Variants in CPS1 observed in about 807,000 individuals in gnomAD.
The protein encoded by CPS1 is carbamoyl-phosphate synthase [ammonia], mitochondrial.
CPS1 carries 109 observed loss-of-function variants against 174.6 expected under a neutral mutation model. The ratio of observed to expected loss-of-function variants is 0.62; its 90% CI spans 0.53 to 0.73. The LOEUF is 0.73. Among genes scored for constraint, CPS1 ranks in the 30% least tolerant of loss-of-function variants. CPS1 has a pLI of 0.00. For missense variants in CPS1, 1,689 were observed against 1,821.9 expected (o/e 0.93, Z 1.33); for synonymous variants, 637 against 632.0 (o/e 1.01, Z -0.12).
At chr2:210,515,729 C>G (rs1207098314) in intron 1 of CPS1, among the ~76,000 whole-genome samples, 2 of 151,640 alleles carry the variant, frequency 1.3e-5, no homozygotes, top group African/African-American at 2.4e-5. Flanking sequence ...TTATTTCTTT[C>G]CTTTTGCTAG....
intron 9 of CPS1, 117 bp from the exon 10 acceptor site, chr2:210,591,714 G>A: frequency 1.9e-6 from 2 of 1,073,798 alleles, no homozygotes; most frequent in South Asian, 3.0e-5. Context: ...TTTTCACTAA[G>A]CAATTGAAAT....
chr2:210,576,404 C>A lies in CPS1; in HGVS notation c.295C>A (p.Pro99Thr), dbSNP rs140999077. ...AGGACAGATTCTCACAATGGCCAAC[C>A]CTATTATTGGGAATGGTGGAGCTCC... ...YKGQILTMANPIIGNGGAPDT... is the reference protein window; with the variant it reads ...YKGQILTMANTIIGNGGAPDT... Residue 99 changes from proline (P) to threonine (T), a missense_variant, in exon 3 of 38, where the codon CCT becomes ACT. Coordinates refer to ENST00000233072, the MANE Select transcript of CPS1 (RefSeq NM_001875.5). The A allele has an allele frequency of 1.4e-4, 226 of 1,613,522 alleles. 1 individual carries two copies. Among genetic ancestry groups the A allele is most frequent in the Non-Finnish European group, 1.8e-4 (217 of 1,179,724 alleles).
At chr2:210,484,506 C>G (rs1478147957) in intron 1 of CPS1, among the ~76,000 whole-genome samples, 2 of 152,166 alleles carry the variant, frequency 1.3e-5, no homozygotes, top group African/African-American at 4.8e-5. Flanking sequence ...TAGAAATTGA[C>G]CCTCCTGGTT....
In CPS1 at chr2:210,577,582, C is replaced by T. The variant is rs78365831; in HGVS notation, c.471+72C>T. ...AAGGTGCCTGTAGATTCAGAAGTGC[C>T]AAGCAGACAGAGGAAGATCATGTAG... On this transcript the variant is annotated intron_variant, in intron 4 of 37. Transcript: ENST00000233072. 39,438 of 1,067,476 alleles carry T rather than the reference C, an allele frequency of 0.037. 988 individuals are homozygous for T. Among genetic ancestry groups the T allele is most frequent in the Non-Finnish European group, 0.046 (31,453 of 680,964 alleles). 66.1% of individuals were successfully genotyped at this position (1,067,476 alleles called of 1,614,324 possible). A position where few individuals can be genotyped will look rare whatever the true frequency, so the allele number is the denominator to read the frequency against.
rs151049558 is a variant in CPS1, at chr2:210,635,814, A to G, written c.2688-1888A>G. Among the ~76,000 whole-genome samples, 25 of 152,352 alleles carry G rather than the reference A, an allele frequency of 1.6e-4. No homozygotes were observed. In the East Asian group the frequency reaches 4.8e-3, roughly 29 times the overall value. On this transcript the variant is annotated intron_variant, in intron 21 of 37. Transcript: ENST00000233072. Reference sequence around the variant, plus strand: ...GAAATTAAATTCAATGGGAGATTTAACACACTGATTTGAGACAGAAGAGAA... The same window carrying G: ...GAAATTAAATTCAATGGGAGATTTAGCACACTGATTTGAGACAGAAGAGAA...
chr2:210,571,747 C>G (rs529276016), intron 1 of CPS1, among the ~76,000 whole-genome samples: 11 of 151,904 alleles, frequency 7.2e-5, no homozygotes, highest in Admixed American at 6.6e-4. Context: ...AAATAACGGG[C>G]TTTCTTCATT....
intron 37 of CPS1, among the ~76,000 whole-genome samples, 165 bp from the exon 38 acceptor site, chr2:210,677,722 G>T (rs1477776771): frequency 6.6e-6 from 1 of 152,192 alleles, no homozygotes; most frequent in Non-Finnish European, 1.5e-5. Flanking sequence ...CCCATGGTGA[G>T]GTCTGAGACA....
intron 21 of CPS1, chr2:210,619,454 TA>T (rs1175864119): frequency 6.6e-6 from 1 of 152,120 alleles, no homozygotes; most frequent in Non-Finnish European, 1.5e-5. Flanking sequence ...CTTGTTGTAA[TA>T]AAGGTTACTT....
At chr2:210,600,821 ATT>A in intron 15 of CPS1, 109 bp downstream of exon 15, 2 of 1,219,174 alleles carry the variant, frequency 1.6e-6, no homozygotes, top group Non-Finnish European at 2.4e-6. Context: ...ACTTGCATGC[ATT>A]TTCTTCTAGA....
At chr2:210,487,059 A>C (rs1286066300) in intron 1 of CPS1, among the ~76,000 whole-genome samples, 6 of 152,196 alleles carry the variant, frequency 3.9e-5, no homozygotes, top group Admixed American at 3.9e-4. Context: ...CTACACACAC[A>C]AAAATATACA....
At chr2:210,514,040 A>G (rs967169866) in intron 1 of CPS1, among the ~76,000 whole-genome samples, 1 of 152,108 alleles carries the variant, frequency 6.6e-6, no homozygotes, top group South Asian at 2.1e-4. Context: ...TCATTGGTCT[A>G]TATGCCTGTT....
intron 1 of CPS1, among the ~76,000 whole-genome samples, chr2:210,529,210 A>AT (rs1320626149): frequency 6.6e-6 from 1 of 151,888 alleles, no homozygotes; most frequent in Non-Finnish European, 1.5e-5. Flanking sequence ...AGCCTTAATC[A>AT]TTTTTCAATC....
intron 1 of CPS1, among the ~76,000 whole-genome samples, chr2:210,567,569 A>T (rs1356471016): frequency 6.6e-6 from 1 of 152,174 alleles, no homozygotes; most frequent in Non-Finnish European, 1.5e-5. Flanking sequence ...ATGCAGCTTT[A>T]TTCTTTTCCC....
intron 31 of CPS1, among the ~76,000 whole-genome samples, chr2:210,658,947 T>C (rs1033601952): frequency 1.3e-5 from 2 of 152,176 alleles, no homozygotes. Context: ...GTATGCCACC[T>C]ACAGTATAGT....
At position 210,580,906 on chromosome 2, in the gene CPS1, T is replaced by A. The variant is rs34972928; in HGVS notation, c.528+1136T>A. ...TATGGGAAAAGGAGTCTTCAAAAAA[T>A]TTTTTTGTAGATTTCTTGTTAGGAT... On this transcript the variant is annotated intron_variant, in intron 5 of 37. Coordinates refer to ENST00000233072, the MANE Select transcript of CPS1 (RefSeq NM_001875.5). Among the ~76,000 whole-genome samples, 147 of 148,918 alleles carry A rather than the reference T, an allele frequency of 9.9e-4. 1 individual carries two copies. Among genetic ancestry groups the A allele is most frequent in the African/African-American group, 3.4e-3 (139 of 40,570 alleles).
At position 210,647,888 on chromosome 2, in the gene CPS1, T is replaced by C. The variant is rs777165294; in HGVS notation, c.3167T>C (p.Val1056Ala). 4.3e-6 allele frequency: 7 copies of C among 1,613,888 alleles called. No homozygotes were observed. Among genetic ancestry groups the C allele is most frequent in the East Asian group, 4.5e-5 (2 of 44,880 alleles). ...GCATGTGGTGGCTGCATCATATCAG[T>C]TGGAGGCCAGATTCCAAACAACCTG... ...QEACGGCIIS[V>A]GGQIPNNLAV... Residue 1056 changes from valine (V) to alanine (A), a missense_variant, in exon 26 of 38, where the codon GTT becomes GCT. Physicochemically the swap from Val to Ala is moderately conservative, Grantham distance 64. Transcript: ENST00000233072.
intron 25 of CPS1, among the ~76,000 whole-genome samples, chr2:210,647,507 G>A: frequency 6.6e-6 from 1 of 152,164 alleles, no homozygotes; most frequent in East Asian, 1.9e-4. Context: ...AGTGTTAAAA[G>A]AAGAAATCTG....
intron 16 of CPS1, among the ~76,000 whole-genome samples, chr2:210,604,399 A>G (rs6734696): frequency 0.64 from 96,679 of 151,758 alleles, 31,706 homozygotes; most frequent in African/African-American, 0.8. Flanking sequence ...CCTAAGGTCA[A>G]AGATTACCAC....
intron 1 of CPS1, among the ~76,000 whole-genome samples, chr2:210,526,781 C>T (rs1424507306): frequency 6.6e-6 from 1 of 151,844 alleles, no homozygotes; most frequent in Non-Finnish European, 1.5e-5. Flanking sequence ...ATGGGTAGCA[C>T]AGATTGTACT....
Sources: gnomAD v4.1 joint callset for allele counts (sites outside exome capture counted in the v4.1 genomes callset) on GRCh38, gnomAD v4.1.1 for gene constraint, MANE v1.5 for transcripts, NCBI Gene and HGNC (gene_info 2026-07-23, HGNC 2026-07-21) for gene names.